FHIT: variants seen among roughly 807,000 people sequenced by gnomAD.
FHIT encodes the protein fragile histidine triad diadenosine triphosphatase.
A neutral mutation model predicts 17.9 loss-of-function variants in FHIT; 19 were observed. The ratio of observed to expected loss-of-function variants is 1.06; its 90% CI spans 0.74 to 1.56. FHIT has a LOEUF of 1.56. Among genes scored for constraint, FHIT ranks in the 40% most tolerant of loss-of-function variants. FHIT has a pLI of 0.00. For missense variants in FHIT, 248 were observed against 189.2 expected (o/e 1.31, Z -1.82); for synonymous variants, 81 against 69.7 (o/e 1.16, Z -0.81).
At chr3:59,867,409 T>G (rs1176500315) in intron 8 of FHIT, among the ~76,000 whole-genome samples, 1 of 152,016 alleles carries the variant, frequency 6.6e-6, no homozygotes, top group Non-Finnish European at 1.5e-5. Context: ...GAACACATAA[T>G]TAAGTCATAA....
Position 60,737,681 on chromosome 3 carries a change from T to C in FHIT, c.-18+84238A>G, listed in dbSNP as rs548848872. ...TCATATGCATTTCCCATTTAATAGA[T>C]GGAGGAACCAGGGTGGCTTTTCATA... is the stretch of plus-strand genomic sequence containing the variant. On this transcript the variant is annotated intron_variant, in intron 4 of 9. Coordinates refer to ENST00000492590, the MANE Select transcript of FHIT (RefSeq NM_002012.4). Among the ~76,000 whole-genome samples the C allele has an allele frequency of 2.8e-4, 43 of 152,270 alleles. No homozygotes were observed. The South Asian group carries it at 6.2e-3, about 22-fold the overall frequency.
At chr3:60,366,353 G>A (rs11721192) in intron 5 of FHIT, among the ~76,000 whole-genome samples, 18,301 of 152,140 alleles carry the variant, frequency 0.12, 1,570 homozygotes, top group East Asian at 0.26. Flanking sequence ...TCAAACTCCT[G>A]ACCTCAAGGG....
chr3:60,866,442 G>C (rs1553753884), intron 3 of FHIT, among the ~76,000 whole-genome samples: 1 of 152,090 alleles, frequency 6.6e-6, no homozygotes, highest in Non-Finnish European at 1.5e-5. Context: ...GCAGCCAGTG[G>C]AGAGGCCCAC....
rs368410866 is a variant in FHIT at position 60,506,438 on chromosome 3, A to G, written c.103+30422T>C. 2.2e-3 allele frequency among the ~76,000 whole-genome samples: 334 copies of G among 152,330 alleles called. 5 individuals carry two copies. The highest frequency in any genetic ancestry group is 0.014 in the Middle Eastern group (4 of 292). ...ATCCACGGTTTTAGAGTCAGTACAC[A>G]AGGCAGATAATCATTTGTCTGAAAA... On this transcript the variant is annotated intron_variant, in intron 5 of 9. Transcript: ENST00000492590.
chr3:60,993,530 T>C (rs1206450266), intron 3 of FHIT, among the ~76,000 whole-genome samples: 1 of 152,146 alleles, frequency 6.6e-6, no homozygotes, highest in Non-Finnish European at 1.5e-5. Context: ...GGGAACTGAT[T>C]TAGACTTATG....
intron 8 of FHIT, among the ~76,000 whole-genome samples, chr3:59,896,547 T>C (rs1704081039): frequency 6.6e-6 from 1 of 152,322 alleles, no homozygotes; most frequent in Admixed American, 6.5e-5. Context: ...ATCTCCCTCG[T>C]TCTCTTTATG....
intron 4 of FHIT, among the ~76,000 whole-genome samples, chr3:60,740,873 T>G (rs550585679): frequency 6.6e-6 from 1 of 152,228 alleles, no homozygotes; most frequent in African/African-American, 2.4e-5. Context: ...ATGAGTTTAG[T>G]CACCATGAAC....
chr3:61,015,764 G>C (rs2032074663), intron 3 of FHIT, among the ~76,000 whole-genome samples: 1 of 152,092 alleles, frequency 6.6e-6, no homozygotes, highest in East Asian at 1.9e-4. Context: ...AGGCCTCTGA[G>C]TTTGGGTTTA....
At chr3:60,033,634 T>G (rs1559566597) in intron 5 of FHIT, among the ~76,000 whole-genome samples, 1 of 151,892 alleles carries the variant, frequency 6.6e-6, no homozygotes, top group Non-Finnish European at 1.5e-5. Context: ...AGCAATTGCC[T>G]TAAAATATTT....
chr3:59,898,338 C>A (rs1299289138), intron 8 of FHIT, among the ~76,000 whole-genome samples: 2 of 152,032 alleles, frequency 1.3e-5, no homozygotes, highest in East Asian at 3.9e-4. Context: ...GACAACTGAA[C>A]CACTTCTAGG....
At chr3:60,296,362 T>C (rs1238724195) in intron 5 of FHIT, among the ~76,000 whole-genome samples, 2 of 152,134 alleles carry the variant, frequency 1.3e-5, no homozygotes, top group Admixed American at 6.6e-5. Context: ...TCACCACTTG[T>C]CACTCTCATA....
At position 60,152,006 on chromosome 3, in the gene FHIT, C is replaced by T. The variant is rs373223356; in HGVS notation, c.104-137854G>A. Among the ~76,000 whole-genome samples the T allele has an allele frequency of 1.9e-4, 29 of 152,260 alleles. No homozygotes were observed. In the South Asian group the frequency reaches 5.8e-3, roughly 30 times the overall value. The stretch of plus-strand genomic sequence containing the variant: ...TGAATCATAGCATCAAGCATAGAGC[C>T]TGGCACCTATAAATTGCTCTATAAA... On this transcript the variant is annotated intron_variant, in intron 5 of 9. Coordinates refer to ENST00000492590, the MANE Select transcript of FHIT (RefSeq NM_002012.4).
chr3:60,692,219 G>A lies in FHIT; in HGVS notation c.-18+129700C>T, dbSNP rs528043635. Among the ~76,000 whole-genome samples the A allele has an allele frequency of 2.0e-5, 3 of 152,254 alleles. No individual in the cohort carries two copies. The South Asian group carries it at 6.2e-4, about 32-fold the overall frequency. On this transcript the variant is annotated intron_variant, in intron 4 of 9. Transcript: ENST00000492590. ...CTCGTAGTTTCAGCATAGATATAGT[G>A]CTTTAACTGTGACAGATCCTGACAA...
intron 5 of FHIT, among the ~76,000 whole-genome samples, chr3:60,209,465 AC>A (rs1703351307): frequency 6.6e-6 from 1 of 152,060 alleles, no homozygotes; most frequent in Non-Finnish European, 1.5e-5. Flanking sequence ...TCTTCCTCTC[AC>A]CATCTCACCA....
intron 4 of FHIT, among the ~76,000 whole-genome samples, chr3:60,691,361 T>C (rs888670943): frequency 6.6e-6 from 1 of 151,948 alleles, no homozygotes; most frequent in Admixed American, 6.6e-5. Flanking sequence ...CCCCTCTTGA[T>C]TTTTTCTTTT....
chr3:59,928,196 G>C (rs145635724), intron 7 of FHIT, among the ~76,000 whole-genome samples: 1 of 152,132 alleles, frequency 6.6e-6, no homozygotes, highest in Admixed American at 6.6e-5. Flanking sequence ...ACGATACTGT[G>C]GTAAAACGAT....
intron 4 of FHIT, among the ~76,000 whole-genome samples, chr3:60,772,314 CTA>C (rs61056807): frequency 0.017 from 2,422 of 142,208 alleles, 12 homozygotes; most frequent in South Asian, 0.027. Flanking sequence ...CACTTCTCAT[CTA>C]TATATATATA....
chr3:59,993,582 A>C (rs1426146579), intron 7 of FHIT, among the ~76,000 whole-genome samples: 1 of 151,938 alleles, frequency 6.6e-6, no homozygotes, highest in African/African-American at 2.4e-5. Flanking sequence ...TCAAATGAAG[A>C]CTTCCAGATC....
chr3:60,210,364 A>T (rs1022715626), intron 5 of FHIT, among the ~76,000 whole-genome samples: 2 of 152,170 alleles, frequency 1.3e-5, no homozygotes, highest in Non-Finnish European at 2.9e-5. Flanking sequence ...AAACATGGTA[A>T]TATGTCATCT....
Sources: allele counts gnomAD v4.1 joint callset (sites outside exome capture counted in the v4.1 genomes callset), GRCh38; gene constraint gnomAD v4.1.1; transcripts MANE v1.5; gene names NCBI Gene and HGNC (gene_info 2026-07-23, HGNC 2026-07-21).